The following PTPRG variants were observed in gnomAD, a reference collection of about 807,000 sequenced individuals.
PTPRG encodes the protein protein tyrosine phosphatase receptor type G, also known as receptor-type tyrosine-protein phosphatase gamma.
In PTPRG, 102 loss-of-function variants were observed where a neutral mutation model predicts 165.3. The observed-to-expected ratio is 0.62, with a 90% CI of 0.53 to 0.73. The LOEUF is 0.73. Ranked by LOEUF, PTPRG falls within the 30% of genes least tolerant of loss-of-function variation. The probability of loss-of-function intolerance (pLI) is 0.00; values close to 1 mark genes in which losing one functional copy is unlikely to be tolerated. For synonymous variants in PTPRG, 675 were observed against 669.5 expected, an observed-to-expected ratio of 1.01 and a Z score of -0.13; for missense variants, 1,866 against 1,861.4, an observed-to-expected ratio of 1.00 and a Z score of -0.05.
At chr3:62,099,528 C>G (rs549819092) in intron 5 of PTPRG, among the ~76,000 whole-genome samples, 2 of 151,806 alleles carry the variant, frequency 1.3e-5, no homozygotes, top group South Asian at 2.1e-4. Flanking sequence ...AATTATATGA[C>G]CATTAAAAAT....
At chr3:61,921,782 G>T (rs544604755) in intron 2 of PTPRG, among the ~76,000 whole-genome samples, 1 of 152,186 alleles carries the variant, frequency 6.6e-6, no homozygotes, top group East Asian at 1.9e-4. Context: ...TTTGGAAAAG[G>T]TTCCTCAACC....
intron 1 of PTPRG, among the ~76,000 whole-genome samples, chr3:61,692,447 T>G (rs1331486470): frequency 6.6e-6 from 1 of 152,220 alleles, no homozygotes; most frequent in Non-Finnish European, 1.5e-5. Flanking sequence ...TAGCTGCTAT[T>G]ACTACATTTT....
chr3:61,655,800 A>C (rs1449062201), intron 1 of PTPRG, among the ~76,000 whole-genome samples: 20 of 151,988 alleles, frequency 1.3e-4, no homozygotes, highest in Non-Finnish European at 2.9e-5. Flanking sequence ...TAGATATAGG[A>C]TCTCCCAATG....
Position 61,695,894 on chromosome 3 carries a change from T to G in PTPRG, c.86-52984T>G, listed in dbSNP as rs142022601. 1.0e-3 allele frequency among the ~76,000 whole-genome samples: 156 copies of G among 152,342 alleles called. No homozygotes were observed. The East Asian group carries it at 0.022, about 22-fold the overall frequency. ...CTGTATACTATATACTAAATATACA[T>G]TAATGTTAATAAATACATCCCTAGT... On this transcript the variant is annotated intron_variant, in intron 1 of 29. Transcript: ENST00000474889.
At chr3:61,995,120 G>C (rs1445489151) in intron 3 of PTPRG, among the ~76,000 whole-genome samples, 1 of 98,956 alleles carries the variant, frequency 1.0e-5, no homozygotes, top group African/African-American at 4.1e-5. Flanking sequence ...ACAGAGTCTT[G>C]CTATGTTGCC....
At chr3:62,020,578 A>C (rs2107759066) in intron 4 of PTPRG, among the ~76,000 whole-genome samples, 1 of 152,266 alleles carries the variant, frequency 6.6e-6, no homozygotes, top group African/African-American at 2.4e-5. Context: ...TCATAAACTT[A>C]TTTCCACTTA....
intron 1 of PTPRG, among the ~76,000 whole-genome samples, chr3:61,679,964 A>G (rs1703371669): frequency 6.6e-6 from 1 of 152,146 alleles, no homozygotes; most frequent in Non-Finnish European, 1.5e-5. Context: ...CTGCCCCGCT[A>G]CTGGAACATT....
At chr3:62,281,251 T>C (rs1367094273) in intron 26 of PTPRG, among the ~76,000 whole-genome samples, 2 of 152,010 alleles carry the variant, frequency 1.3e-5, no homozygotes, top group Non-Finnish European at 2.9e-5. Context: ...CTGACCTAGA[T>C]CCTGCTTTCT....
chr3:62,144,527 T>G (rs1015403365), intron 6 of PTPRG, among the ~76,000 whole-genome samples: 3 of 152,220 alleles, frequency 2.0e-5, no homozygotes, highest in African/African-American at 7.2e-5. Flanking sequence ...AAGTTTCCCG[T>G]TTGAAGTTTG....
intron 1 of PTPRG, among the ~76,000 whole-genome samples, chr3:61,604,493 A>G (rs1364034166): frequency 6.6e-6 from 1 of 152,192 alleles, no homozygotes; most frequent in East Asian, 1.9e-4. Context: ...AAAGGCCCAT[A>G]TGTCTAAGAA....
At chr3:61,564,492 G>T (rs886852684) in intron 1 of PTPRG, among the ~76,000 whole-genome samples, 2 of 152,050 alleles carry the variant, frequency 1.3e-5, no homozygotes, top group African/African-American at 4.8e-5. Flanking sequence ...TTTTCTTTTC[G>T]CGCCCACGCT....
intron 4 of PTPRG, among the ~76,000 whole-genome samples, chr3:62,052,494 AC>A (rs1348267279): frequency 1.3e-5 from 2 of 152,170 alleles, no homozygotes; most frequent in African/African-American, 4.8e-5. Context: ...GGAATTCGAA[AC>A]CAGCCTGGGC....
At chr3:62,072,327 T>G (rs1198546443) in intron 4 of PTPRG, among the ~76,000 whole-genome samples, 1 of 152,206 alleles carries the variant, frequency 6.6e-6, no homozygotes, top group Non-Finnish European at 1.5e-5. Context: ...TAATGTGAGT[T>G]GTTTTGCCCC....
At chr3:62,231,974 T>C (rs1477645822) in intron 14 of PTPRG, among the ~76,000 whole-genome samples, 1 of 152,244 alleles carries the variant, frequency 6.6e-6, no homozygotes, top group East Asian at 1.9e-4. Flanking sequence ...ATAATATTTC[T>C]GTAAGGCCTG....
intron 2 of PTPRG, among the ~76,000 whole-genome samples, chr3:61,932,255 A>G (rs1437515403): frequency 6.6e-6 from 1 of 152,182 alleles, no homozygotes; most frequent in Non-Finnish European, 1.5e-5. Flanking sequence ...TGGATATTAC[A>G]TAGATTCTTG....
chr3:61,623,858 G>A (rs1268919038), intron 1 of PTPRG, among the ~76,000 whole-genome samples: 2 of 152,168 alleles, frequency 1.3e-5, no homozygotes, highest in Admixed American at 1.3e-4. Context: ...AACATCTGAG[G>A]AGACAGGAGC....
intron 12 of PTPRG, among the ~76,000 whole-genome samples, chr3:62,216,860 C>T (rs886544486): frequency 6.6e-6 from 1 of 152,146 alleles, no homozygotes; most frequent in African/African-American, 2.4e-5. Context: ...TGATGGTCTC[C>T]GTGCAGAACA....
intron 28 of PTPRG, 87 bp downstream of exon 28, chr3:62,282,956 T>A: frequency 7.8e-7 from 1 of 1,281,192 alleles, no homozygotes. Context: ...AGCCAGAATT[T>A]TAAAACCTAT....
chr3:61,683,706 C>G (rs932987115), intron 1 of PTPRG, among the ~76,000 whole-genome samples: 3 of 152,198 alleles, frequency 2.0e-5, no homozygotes, highest in African/African-American at 7.2e-5. Context: ...TCTCTCTCGA[C>G]TTATGACTTC....
Sources: gnomAD v4.1 joint callset for allele counts (sites outside exome capture counted in the v4.1 genomes callset) on GRCh38, gnomAD v4.1.1 for gene constraint, MANE v1.5 for transcripts, NCBI Gene and HGNC (gene_info 2026-07-23, HGNC 2026-07-21) for gene names.